Variants in NDUFS6 observed in about 807,000 individuals in gnomAD.
NDUFS6 encodes NADH:ubiquinone oxidoreductase subunit S6, also known as NADH dehydrogenase [ubiquinone] iron-sulfur protein 6, mitochondrial.
NDUFS6 carries 14 observed loss-of-function variants against 13.2 expected under a neutral mutation model. That is an observed-to-expected ratio of 1.06 (90% CI 0.70 to 1.66). NDUFS6 has a LOEUF of 1.66. NDUFS6 is among the 40% of genes most tolerant of loss of function. The pLI is 0.00. For synonymous variants in NDUFS6, 95 were observed against 72.3 expected (o/e 1.31, Z -1.60); for missense variants, 206 against 170.8 (o/e 1.21, Z -1.15).
In NDUFS6 at chr5:1,802,489, C is replaced by T. The variant is rs141645687; in HGVS notation, c.186+115C>T. 269 of 799,166 alleles carry T rather than the reference C, an allele frequency of 3.4e-4. 3 individuals are homozygous for T. In the African/African-American group the frequency reaches 4.3e-3, roughly 13 times the overall value. The allele number at this position is 799,166 out of a possible 1,614,324, so 49.5% of individuals were successfully genotyped here. ...TAAATTTTCCCCATATTGCAAGCAC[C>T]CTAACAGTTCTGGATGGGGTTCTTC... On this transcript the variant is annotated intron_variant, in intron 2 of 3. Transcript: ENST00000274137.
At chr5:1,804,880 G>A (rs1469020201) in intron 2 of NDUFS6, among the ~76,000 whole-genome samples, 2 of 152,176 alleles carry the variant, frequency 1.3e-5, no homozygotes, top group African/African-American at 4.8e-5. Context: ...TCTAGGGTTT[G>A]GATAGATGTG....
intron 2 of NDUFS6, among the ~76,000 whole-genome samples, chr5:1,803,087 GTTC>G (rs889563719): frequency 4.6e-5 from 7 of 152,244 alleles, no homozygotes; most frequent in East Asian, 1.9e-4. Context: ...TTAGCCTGGT[GTTC>G]TTCTTGTTAA....
intron 2 of NDUFS6, among the ~76,000 whole-genome samples, chr5:1,813,892 C>T (rs1734260979): frequency 6.6e-6 from 1 of 152,212 alleles, no homozygotes; most frequent in Admixed American, 6.5e-5. Context: ...AAATCTATTC[C>T]ATCGGTATCA....
chr5:1,803,212 C>T (rs1873926), intron 2 of NDUFS6, among the ~76,000 whole-genome samples: 112,076 of 152,168 alleles, frequency 0.74, 44,408 homozygotes, highest in Non-Finnish European at 0.88. Context: ...CAGGGCATTC[C>T]AGAAAAGCTC....
intron 2 of NDUFS6, among the ~76,000 whole-genome samples, chr5:1,803,342 C>T (rs997366247): frequency 1.3e-4 from 20 of 152,166 alleles, no homozygotes; most frequent in Admixed American, 9.2e-4. Context: ...TTTGGCAATG[C>T]CACTTGAGTG....
intron 2 of NDUFS6, among the ~76,000 whole-genome samples, chr5:1,811,903 T>C (rs1232729656): frequency 6.6e-6 from 1 of 152,242 alleles, no homozygotes; most frequent in African/African-American, 2.4e-5. Flanking sequence ...AATGATATTA[T>C]CCATCTTATT....
chr5:1,810,196 A>G (rs1338672117), intron 2 of NDUFS6, among the ~76,000 whole-genome samples: 2 of 152,166 alleles, frequency 1.3e-5, no homozygotes, highest in East Asian at 3.9e-4. Flanking sequence ...CTGTAGAAGG[A>G]GCACAAAGTT....
chr5:1,815,916 G>C lies in NDUFS6; in HGVS notation c.375G>C (p.Ter125TyrextTer44). The change falls in exon 4 of 4, where the codon TAG (stop) becomes TAC (tyrosine). Residue 125 changes from the stop codon to tyrosine, a stop_lost. Transcript: ENST00000274137. ...CGLQFRQHHH* is the reference protein window; with the variant it reads ...CGLQFRQHHHY ...TCCAGTTCAGACAGCACCACCACTAGAGCGTGTGGCACGCCGGGGGTCCCG... is the reference window on the plus strand; with the variant it reads ...TCCAGTTCAGACAGCACCACCACTACAGCGTGTGGCACGCCGGGGGTCCCG... The C allele has an allele frequency of 6.2e-7, 1 of 1,614,228 alleles. No individual in the cohort carries two copies. The highest frequency in any genetic ancestry group is 8.5e-7 in the Non-Finnish European group (1 of 1,180,056).
chr5:1,808,110 A>G (rs1056039715), intron 2 of NDUFS6, among the ~76,000 whole-genome samples: 1 of 152,182 alleles, frequency 6.6e-6, no homozygotes, highest in Non-Finnish European at 1.5e-5. Flanking sequence ...TTTGCAGGTC[A>G]TCTGGTTGGT....
chr5:1,811,871 G>T (rs1290104042), intron 2 of NDUFS6, among the ~76,000 whole-genome samples: 1 of 152,210 alleles, frequency 6.6e-6, no homozygotes, highest in Non-Finnish European at 1.5e-5. Context: ...TCTTACATCT[G>T]TGATTTCATA....
intron 2 of NDUFS6, among the ~76,000 whole-genome samples, chr5:1,806,517 G>A (rs1415485426): frequency 6.6e-6 from 1 of 152,210 alleles, no homozygotes; most frequent in Non-Finnish European, 1.5e-5. Flanking sequence ...TGCACGCGGT[G>A]CAAATGTCTA....
chr5:1,807,997 G>T (rs965237040), intron 2 of NDUFS6, among the ~76,000 whole-genome samples: 2 of 152,196 alleles, frequency 1.3e-5, no homozygotes, highest in African/African-American at 2.4e-5. Context: ...TGGGAGTCGG[G>T]GATGGGTGCT....
rs1041397867 is a variant in NDUFS6, at chr5:1,814,980, T to C, written c.309+519T>C. ...TTATAAGGGCACCAGGCAGATTGGC[T>C]CAGGGCCCCTATGTGACCTCAGTTT... On this transcript the variant is annotated intron_variant, in intron 3 of 3. Transcript: ENST00000274137. The surrounding 1 kb of genome is among the most constrained non-coding windows in gnomAD (Gnocchi z 4.9). Among the ~76,000 whole-genome samples, 1 of 152,148 alleles carries C rather than the reference T, an allele frequency of 6.6e-6. No homozygotes were observed. The highest frequency in any genetic ancestry group is 2.4e-5 in the African/African-American group (1 of 41,418).
At chr5:1,802,712 T>C (rs754590596) in intron 2 of NDUFS6, among the ~76,000 whole-genome samples, 4 of 152,218 alleles carry the variant, frequency 2.6e-5, no homozygotes, top group Non-Finnish European at 4.4e-5. Context: ...CCTGGAGGTG[T>C]GTTTTTTATA....
Position 1,814,702 on chromosome 5 carries a change from C to T in NDUFS6, c.309+241C>T, listed in dbSNP as rs1734280416. ...TGGGCGGCATGTTTCTCTTCTCGGA[C>T]GCCCAAGCGTCTTTCCTCTCTGGGC... On this transcript the variant is annotated intron_variant, in intron 3 of 3. Coordinates refer to ENST00000274137, the MANE Select transcript of NDUFS6 (RefSeq NM_004553.6). This position sits in a 1 kb window ranked among gnomAD's most constrained non-coding sequence, Gnocchi z 4.9. The T allele has an allele frequency of 9.6e-6, 7 of 726,008 alleles. No homozygotes were observed. The highest frequency in any genetic ancestry group is 2.9e-5 in the South Asian group (2 of 68,054). 45.0% of individuals were successfully genotyped at this position (726,008 alleles called of 1,614,324 possible). A position where few individuals can be genotyped will look rare whatever the true frequency, so the allele number is the denominator to read the frequency against.
At chr5:1,804,741 C>T (rs1291376467) in intron 2 of NDUFS6, among the ~76,000 whole-genome samples, 1 of 152,188 alleles carries the variant, frequency 6.6e-6, no homozygotes, top group East Asian at 1.9e-4. Context: ...GTTTTCACAG[C>T]CCCCCAGCTC....
At chr5:1,812,209 T>C (rs1336374921) in intron 2 of NDUFS6, among the ~76,000 whole-genome samples, 1 of 152,052 alleles carries the variant, frequency 6.6e-6, no homozygotes, top group East Asian at 1.9e-4. Flanking sequence ...GAACTCCTTC[T>C]TCTACCAGGA....
In NDUFS6 at chr5:1,814,226, G is replaced by A; in HGVS notation, c.187-113G>A. The A allele has an allele frequency of 7.2e-7, 1 of 1,397,892 alleles. No individual in the cohort carries two copies. The highest frequency in any genetic ancestry group is 1.0e-6 in the Non-Finnish European group (1 of 988,474). The allele number at this position is 1,397,892 out of a possible 1,614,324, so 86.6% of individuals were successfully genotyped here. Reference sequence around the variant, plus strand: ...TCTACAATGATAATAGTTAAATGAAGCATGCACCATAGATTCGTGCTGATG... The same window carrying A: ...TCTACAATGATAATAGTTAAATGAAACATGCACCATAGATTCGTGCTGATG... On this transcript the variant is annotated intron_variant, in intron 2 of 3. Coordinates refer to ENST00000274137, the MANE Select transcript of NDUFS6 (RefSeq NM_004553.6). This position sits in a 1 kb window ranked among gnomAD's most constrained non-coding sequence, Gnocchi z 4.9.
intron 2 of NDUFS6, among the ~76,000 whole-genome samples, chr5:1,808,529 T>TGC (rs769934585): frequency 1.1e-4 from 17 of 152,258 alleles, no homozygotes; most frequent in Non-Finnish European, 2.5e-4. Flanking sequence ...CAGGTTCACA[T>TGC]GCTGGTGGCT....
Sources: allele counts gnomAD v4.1 joint callset (sites outside exome capture counted in the v4.1 genomes callset), GRCh38; gene constraint gnomAD v4.1.1; non-coding constraint Gnocchi (gnomAD v3.1); transcripts MANE v1.5; gene names NCBI Gene and HGNC (gene_info 2026-07-23, HGNC 2026-07-21).